The following KNDC1 variants were observed in gnomAD, a reference collection of about 807,000 sequenced individuals.
KNDC1 encodes the protein kinase non-catalytic C-lobe domain containing 1, also known as kinase non-catalytic C-lobe domain-containing protein 1.
Under a neutral mutation model 172.8 loss-of-function variants are expected in KNDC1, and 106 were observed. The ratio of observed to expected loss-of-function variants is 0.61; its 90% confidence interval spans 0.52 to 0.72. The LOEUF (loss-of-function observed/expected upper bound fraction) is 0.72, where lower values mean the gene tolerates loss of function less well. Ranked by LOEUF, KNDC1 falls within the 30% of genes least tolerant of loss-of-function variation. The pLI is 0.00. For synonymous variants in KNDC1, 1,083 were observed against 1,062.2 expected, an observed-to-expected ratio of 1.02 and a Z score of -0.38; for missense variants, 2,325 against 2,394.5, an observed-to-expected ratio of 0.97 and a Z score of 0.61.
At chr10:133,205,359 C>T (rs1845157299) in intron 17 of KNDC1, among the ~76,000 whole-genome samples, 1 of 152,276 alleles carries the variant, frequency 6.6e-6, no homozygotes, top group African/African-American at 2.4e-5. Flanking sequence ...CCCCCAGCTC[C>T]TGTGATCAGG....
In KNDC1 at chr10:133,167,554, C is replaced by T. The variant is rs757429553; in HGVS notation, c.276C>T (p.Asn92=). 13 of 1,600,150 alleles carry T rather than the reference C, an allele frequency of 8.1e-6. No individual in the cohort carries two copies. The highest frequency in any genetic ancestry group is 6.8e-5 in the South Asian group (6 of 88,796). ...CCCTGGCCTTCAACACCAGCGGGAA[C>T]GTGTGTTTCATGGAGCAGCTCAGCG... ...PDTLAFNTSG[N]VCFMEQLSDD... is the part of the protein sequence containing the mutation. The change falls in exon 2 of 30, where the codon AAC becomes AAT. Residue 92 remains asparagine (N), a synonymous_variant. Coordinates refer to ENST00000304613, the MANE Select transcript of KNDC1 (RefSeq NM_152643.8).
At chr10:133,183,641 G>GT in intron 4 of KNDC1, 151 bp downstream of exon 4, 1 of 1,026,790 alleles carries the variant, frequency 9.7e-7, no homozygotes, top group Non-Finnish European at 1.4e-6. Context: ...GGAGGACTTG[G>GT]TTTTTTATTG....
chr10:133,174,401 GGGC>G (rs1345392706), intron 3 of KNDC1, among the ~76,000 whole-genome samples: 15 of 142,056 alleles, frequency 1.1e-4, no homozygotes, highest in East Asian at 1.0e-3. Flanking sequence ...ACGGAAGGAA[GGGC>G]GGTGAAGATG....
chr10:133,205,080 G>C (rs1376032599), intron 17 of KNDC1, among the ~76,000 whole-genome samples: 2 of 105,326 alleles, frequency 1.9e-5, no homozygotes, highest in African/African-American at 3.5e-5. Context: ...GCAGGAGGAG[G>C]CTGTATCTGC....
intron 22 of KNDC1, 45 bp from the exon 23 acceptor site, chr10:133,211,634 T>C (rs1357688256): frequency 6.3e-7 from 1 of 1,593,208 alleles, no homozygotes; most frequent in South Asian, 1.1e-5. Context: ...GCCGCCCTCC[T>C]CCAGAAGGTG....
chr10:133,220,220 C>T, intron 29 of KNDC1, 108 bp downstream of exon 29: 1 of 578,782 alleles, frequency 1.7e-6, no homozygotes. Context: ...AGAGGAGGGG[C>T]TCAGGCGGCC....
At chr10:133,195,908 C>A in intron 10 of KNDC1, 87 bp downstream of exon 10, 2 of 1,328,296 alleles carry the variant, frequency 1.5e-6, no homozygotes, top group Non-Finnish European at 2.0e-6. Context: ...TGGAGGAGCA[C>A]GGGCTGCCAG....
intron 29 of KNDC1, among the ~76,000 whole-genome samples, chr10:133,223,722 G>A (rs866879242): frequency 1.1e-3 from 94 of 87,568 alleles, no homozygotes; most frequent in Non-Finnish European, 1.3e-3. Flanking sequence ...TGCTCTTCCC[G>A]GCGTGTGTGT....
intron 3 of KNDC1, 135 bp from the exon 4 acceptor site, chr10:133,183,209 G>C (rs1853776937): frequency 4.4e-6 from 5 of 1,125,198 alleles, no homozygotes; most frequent in South Asian, 3.3e-5. Context: ...GGGCAGCGTG[G>C]GCACGGGTGC....
chr10:133,166,355 C>T (rs982034321), intron 1 of KNDC1, among the ~76,000 whole-genome samples: 1 of 152,234 alleles, frequency 6.6e-6, no homozygotes, highest in African/African-American at 2.4e-5. Context: ...CCAAGAGGGC[C>T]TTCAGCTCCA....
In KNDC1 at chr10:133,197,283, G is replaced by A. The variant is rs1854220486; in HGVS notation, c.1812+148G>A. On this transcript the variant is annotated intron_variant, in intron 11 of 29. Transcript: ENST00000304613. ...GCTGTGGGTGGGTGCATCTGGGGGT[G>A]CAGGGGGACACTCGAGTCCCATCTA... 4.5e-6 allele frequency: 3 copies of A among 672,134 alleles called. No individual in the cohort carries two copies. The South Asian group carries it at 5.2e-5, about 12-fold the overall frequency. 41.6% of individuals were successfully genotyped at this position (672,134 alleles called of 1,614,324 possible).
At position 133,219,178 on chromosome 10, in the gene KNDC1, C is replaced by T. The variant is rs903295240; in HGVS notation, c.4860+88C>T. Reference sequence around the variant, plus strand: ...CTGTGCAGAGCCTGCCGCACCCAGACGCAGGCACCACAGAGTGTGTGCAGG... The same window carrying T: ...CTGTGCAGAGCCTGCCGCACCCAGATGCAGGCACCACAGAGTGTGTGCAGG... On this transcript the variant is annotated intron_variant, in intron 28 of 29. Coordinates refer to ENST00000304613, the MANE Select transcript of KNDC1 (RefSeq NM_152643.8). 8.9e-6 allele frequency: 13 copies of T among 1,457,198 alleles called. No homozygotes were observed. In the South Asian group the frequency reaches 9.7e-5, roughly 11 times the overall value. The allele number at this position is 1,457,198 out of a possible 1,614,324, so 90.3% of individuals were successfully genotyped here. A position where few individuals can be genotyped will look rare whatever the true frequency, so the allele number is the denominator to read the frequency against.
At position 133,209,495 on chromosome 10, in the gene KNDC1, CTGGT is replaced by C. The variant is rs1845309848; in HGVS notation, c.3795-1113_3795-1110del. Reference sequence around the variant, plus strand: ...GTGTGCGCGTGTGTGGTGTGCGCGTCTGGTTGTGGAGTTCTGTGTGGCTTTGTGC... The same window carrying C: ...GTGTGCGCGTGTGTGGTGTGCGCGTCTGTGGAGTTCTGTGTGGCTTTGTGC... On this transcript the variant is annotated intron_variant, in intron 20 of 29. Transcript: ENST00000304613. The surrounding 1 kb of genome is among the most constrained non-coding windows in gnomAD (Gnocchi z 4.9). Among the ~76,000 whole-genome samples, 1 of 150,512 alleles carries C rather than the reference CTGGT, an allele frequency of 6.6e-6. No individual in the cohort carries two copies. Among genetic ancestry groups the C allele is most frequent in the East Asian group, 2.0e-4 (1 of 5,092 alleles).
intron 29 of KNDC1, among the ~76,000 whole-genome samples, chr10:133,221,773 G>C (rs1845592627): frequency 6.6e-6 from 1 of 152,240 alleles, no homozygotes; most frequent in South Asian, 2.1e-4. Context: ...GTCAGCAAAA[G>C]AGAAGTTAAA....
At chr10:133,212,279 A>G (rs1028319676) in intron 23 of KNDC1, among the ~76,000 whole-genome samples, 3 of 150,448 alleles carry the variant, frequency 2.0e-5, no homozygotes, top group Non-Finnish European at 4.4e-5. Context: ...CCGCACACGC[A>G]TCCACACACA....
intron 3 of KNDC1, among the ~76,000 whole-genome samples, chr10:133,171,584 C>T (rs1199273925): frequency 2.0e-5 from 3 of 150,156 alleles, no homozygotes; most frequent in African/African-American, 7.4e-5. Flanking sequence ...TTGTATTGTC[C>T]TCTTTTTAAT....
At chr10:133,195,919 T>C (rs926212003) in intron 10 of KNDC1, 98 bp downstream of exon 10, 41 of 1,249,890 alleles carry the variant, frequency 3.3e-5, no homozygotes, top group Non-Finnish European at 4.4e-5. Flanking sequence ...GGGCTGCCAG[T>C]GTCCAGGTGA....
intron 16 of KNDC1, 117 bp downstream of exon 16, chr10:133,200,577 G>C (rs984459304): frequency 3.6e-5 from 28 of 775,398 alleles, no homozygotes; most frequent in Non-Finnish European, 4.8e-5. Flanking sequence ...CTCCAGCGGG[G>C]CTGCCTTTGC....
In KNDC1 at chr10:133,207,146, G is replaced by A. The variant is rs776313411; in HGVS notation, c.3589G>A (p.Ala1197Thr). ...TGTCCCGCTCCGGCAGGTCATGTAC[G>A]CGGAACGCTGGGGCCTGGAGCCCTG... ...LVKKYLQVMY[A>T]ERWGLEPCTL... Residue 1197 changes from alanine (A) to threonine (T), a missense_variant, in exon 20 of 30, where the codon GCG becomes ACG. Coordinates refer to ENST00000304613, the MANE Select transcript of KNDC1 (RefSeq NM_152643.8). 1.6e-5 allele frequency: 26 copies of A among 1,590,172 alleles called. No homozygotes were observed. The highest frequency in any genetic ancestry group is 2.7e-5 in the African/African-American group (2 of 74,630).
Sources: allele counts gnomAD v4.1 joint callset (sites outside exome capture counted in the v4.1 genomes callset), GRCh38; gene constraint gnomAD v4.1.1; non-coding constraint Gnocchi (gnomAD v3.1); transcripts MANE v1.5; gene names NCBI Gene and HGNC (gene_info 2026-07-23, HGNC 2026-07-21).